ADAMTS12: variants seen among roughly 807,000 people sequenced by gnomAD.
ADAMTS12 encodes A disintegrin and metalloproteinase with thrombospondin motifs 12.
ADAMTS12 carries 118 observed loss-of-function variants against 167.8 expected under a neutral mutation model. That is an observed-to-expected ratio of 0.70 (90% CI 0.61 to 0.82). ADAMTS12 has a LOEUF of 0.82. Ranked by LOEUF, ADAMTS12 falls within the 40% of genes least tolerant of loss-of-function variation. The probability of loss-of-function intolerance (pLI) is 0.00; values close to 1 mark genes in which losing one functional copy is unlikely to be tolerated. For synonymous variants in ADAMTS12, 704 were observed against 716.9 expected (o/e 0.98, Z 0.29); for missense variants, 1,916 against 1,998.8 (o/e 0.96, Z 0.79).
rs1431727129 is a variant in ADAMTS12, at chr5:33,786,108, T to C, written c.490-34560A>G. Among the ~76,000 whole-genome samples the C allele has an allele frequency of 2.0e-5, 3 of 152,316 alleles. No homozygotes were observed. In the East Asian group the frequency reaches 5.8e-4, roughly 29 times the overall value. ...TCCACTATATGACATTTCTTTAAAA[T>C]GCATCTAATGAAAGACAAACAAGAC... On this transcript the variant is annotated intron_variant, in intron 2 of 23. Coordinates refer to ENST00000504830, the MANE Select transcript of ADAMTS12 (RefSeq NM_030955.4).
chr5:33,833,311 T>C (rs1325178056), intron 2 of ADAMTS12, among the ~76,000 whole-genome samples: 9 of 152,222 alleles, frequency 5.9e-5, no homozygotes, highest in Admixed American at 4.6e-4. Context: ...GACCAAGCTC[T>C]GACAAGCATT....
chr5:33,743,644 C>T (rs969560271), intron 3 of ADAMTS12, among the ~76,000 whole-genome samples: 4 of 152,156 alleles, frequency 2.6e-5, no homozygotes, highest in Admixed American at 6.5e-5. Flanking sequence ...TGTGGGAGCT[C>T]GCTGAGTAAA....
intron 2 of ADAMTS12, among the ~76,000 whole-genome samples, chr5:33,831,984 G>A (rs374773071): frequency 9.9e-5 from 15 of 152,232 alleles, no homozygotes; most frequent in East Asian, 7.7e-4. Context: ...GGATTCACAG[G>A]GTCCCTGCAA....
intron 2 of ADAMTS12, among the ~76,000 whole-genome samples, chr5:33,862,620 A>C (rs543773624): frequency 1.4e-4 from 21 of 152,338 alleles, no homozygotes; most frequent in African/African-American, 5.1e-4. Flanking sequence ...AGGCACAAAG[A>C]GGAGCTGGTA....
intron 2 of ADAMTS12, among the ~76,000 whole-genome samples, chr5:33,798,263 G>T (rs898201654): frequency 2.6e-5 from 4 of 151,392 alleles, no homozygotes; most frequent in Non-Finnish European, 4.4e-5. Context: ...CAGACTGGGT[G>T]GCTTAAACAA....
intron 3 of ADAMTS12, among the ~76,000 whole-genome samples, chr5:33,714,957 G>T (rs559931970): frequency 6.6e-6 from 1 of 151,954 alleles, no homozygotes; most frequent in Non-Finnish European, 1.5e-5. Context: ...GTTTTGAAAC[G>T]TTCCCAAAAT....
chr5:33,813,530 A>G (rs550681231), intron 2 of ADAMTS12, among the ~76,000 whole-genome samples: 2 of 152,304 alleles, frequency 1.3e-5, no homozygotes, highest in African/African-American at 2.4e-5. Flanking sequence ...GCCATTGACT[A>G]CTTTGATCAG....
chr5:33,662,901 C>A (rs1276010722), intron 5 of ADAMTS12, among the ~76,000 whole-genome samples: 1 of 152,220 alleles, frequency 6.6e-6, no homozygotes, highest in Non-Finnish European at 1.5e-5. Context: ...AGGAGGATGA[C>A]TAACCTCCAC....
chr5:33,664,764 A>G (rs893345847), intron 5 of ADAMTS12, among the ~76,000 whole-genome samples: 1 of 152,140 alleles, frequency 6.6e-6, no homozygotes, highest in East Asian at 1.9e-4. Context: ...TAAAAAAAGA[A>G]CTACCATATG....
intron 5 of ADAMTS12, among the ~76,000 whole-genome samples, chr5:33,675,965 T>C (rs1402432722): frequency 6.6e-6 from 1 of 152,150 alleles, no homozygotes; most frequent in Non-Finnish European, 1.5e-5. Flanking sequence ...CCGTAAAGCA[T>C]CCTGGAAACT....
intron 16 of ADAMTS12, among the ~76,000 whole-genome samples, chr5:33,598,223 C>G (rs10060471): frequency 6.6e-6 from 1 of 151,768 alleles, no homozygotes; most frequent in African/African-American, 2.4e-5. Flanking sequence ...TATGCTACAG[C>G]CCTTGTATGT....
rs1318061142 is a variant in ADAMTS12, at chr5:33,630,792, A to G, written c.2010T>C (p.Asn670=). The change falls in exon 13 of 24, where the codon AAT becomes AAC. Residue 670 remains asparagine, a synonymous_variant. Transcript: ENST00000504830. The part of the protein sequence containing the change: ...EGGNSRNVCI[N]GICKMVGCDY... The stretch of plus-strand genomic sequence containing the variant: ...ACATACCCAATACCTTACATATGCC[A>G]TTAATACAGACATTTCTGCTGTTGC... 2 of 1,613,550 alleles carry G rather than the reference A, an allele frequency of 1.2e-6. No individual in the cohort carries two copies. Among genetic ancestry groups the G allele is most frequent in the Admixed American group, 3.3e-5 (2 of 60,010 alleles).
At chr5:33,825,577 T>C (rs1748035333) in intron 2 of ADAMTS12, among the ~76,000 whole-genome samples, 1 of 152,206 alleles carries the variant, frequency 6.6e-6, no homozygotes, top group Non-Finnish European at 1.5e-5. Context: ...AAAAAGCATA[T>C]GAGTCTCTTA....
At chr5:33,593,309 T>C (rs1458675036) in intron 17 of ADAMTS12, among the ~76,000 whole-genome samples, 1 of 152,154 alleles carries the variant, frequency 6.6e-6, no homozygotes, top group African/African-American at 2.4e-5. Flanking sequence ...TACTGAAACC[T>C]GCTTATCCTG....
At chr5:33,812,585 C>T (rs1040908897) in intron 2 of ADAMTS12, among the ~76,000 whole-genome samples, 1 of 152,158 alleles carries the variant, frequency 6.6e-6, no homozygotes, top group Non-Finnish European at 1.5e-5. Flanking sequence ...TTAGTTTTGC[C>T]TGGCTTTGGA....
chr5:33,552,551 G>A (rs558140881), intron 20 of ADAMTS12, among the ~76,000 whole-genome samples: 4 of 152,194 alleles, frequency 2.6e-5, no homozygotes, highest in African/African-American at 9.6e-5. Context: ...TTCCTTTCCA[G>A]CCTTTTCCTA....
intron 21 of ADAMTS12, 125 bp downstream of exon 21, chr5:33,549,082 A>G (rs1745122079): frequency 4.8e-6 from 6 of 1,262,286 alleles, no homozygotes; most frequent in Non-Finnish European, 6.5e-6. Flanking sequence ...GGGTCACTGA[A>G]CAGAGGCCAG....
intron 3 of ADAMTS12, among the ~76,000 whole-genome samples, chr5:33,696,494 G>A (rs1023817848): frequency 1.3e-5 from 2 of 151,580 alleles, no homozygotes; most frequent in African/African-American, 4.9e-5. Context: ...AAAGCATTCC[G>A]GTTAAATGAG....
At chr5:33,770,866 C>T (rs1745713911) in intron 2 of ADAMTS12, among the ~76,000 whole-genome samples, 1 of 151,926 alleles carries the variant, frequency 6.6e-6, no homozygotes, top group African/African-American at 2.4e-5. Context: ...TCCTCCTCCT[C>T]CTCTATTTTT....
Sources: allele counts gnomAD v4.1 joint callset (sites outside exome capture counted in the v4.1 genomes callset), GRCh38; gene constraint gnomAD v4.1.1; transcripts MANE v1.5; gene names NCBI Gene and HGNC (gene_info 2026-07-23, HGNC 2026-07-21).